Variants in USP32 observed in about 807,000 individuals in gnomAD.
The protein encoded by USP32 is ubiquitin carboxyl-terminal hydrolase 32.
A neutral mutation model predicts 204.8 loss-of-function variants in USP32; 59 were observed. The ratio of observed to expected loss-of-function variants is 0.29; its 90% CI spans 0.23 to 0.36. USP32 has a LOEUF of 0.36. Ranked by LOEUF, USP32 falls within the 10% of genes least tolerant of loss-of-function variation. USP32 has a pLI of 1.00. For missense variants in USP32, 1,160 were observed against 1,946.4 expected, an observed-to-expected ratio of 0.60 and a Z score of 7.60; for synonymous variants, 517 against 678.4, an observed-to-expected ratio of 0.76 and a Z score of 3.70.
chr17:60,316,698 G>A (rs778567901), intron 2 of USP32, among the ~76,000 whole-genome samples: 19 of 152,114 alleles, frequency 1.2e-4, no homozygotes, highest in Admixed American at 6.5e-4. Context: ...AAAATGAGTC[G>A]GGTGTGGTGG....
intron 6 of USP32, 72 bp downstream of exon 6, chr17:60,271,278 T>C (rs1294476457): frequency 1.9e-6 from 3 of 1,551,194 alleles, no homozygotes; most frequent in African/African-American, 1.4e-5. Flanking sequence ...TTAAAATGTA[T>C]TGGTTACAAA....
intron 2 of USP32, among the ~76,000 whole-genome samples, chr17:60,334,560 C>T (rs1405330694): frequency 1.3e-5 from 2 of 149,498 alleles, no homozygotes; most frequent in Non-Finnish European, 2.9e-5. Flanking sequence ...GGCGTGGTTG[C>T]AGGCGCCTGT....
At chr17:60,235,450 TGA>T (rs1277129771) in intron 12 of USP32, among the ~76,000 whole-genome samples, 1 of 152,168 alleles carries the variant, frequency 6.6e-6, no homozygotes, top group African/African-American at 2.4e-5. Flanking sequence ...GAAAGAATGA[TGA>T]GATAGATAAT....
At chr17:60,197,328 G>A (rs1201262110) in intron 27 of USP32, among the ~76,000 whole-genome samples, 1 of 152,200 alleles carries the variant, frequency 6.6e-6, no homozygotes, top group African/African-American at 2.4e-5. Flanking sequence ...CTACAGGCCG[G>A]GTGTGGTGGC....
intron 12 of USP32, among the ~76,000 whole-genome samples, chr17:60,227,716 A>G (rs1421538329): frequency 3.3e-5 from 5 of 152,098 alleles, no homozygotes; most frequent in Non-Finnish European, 5.9e-5. Flanking sequence ...CCCAGTGGAC[A>G]TAAGTTTTCT....
Position 60,181,513 on chromosome 17 carries a change from G to A in USP32, c.4359C>T (p.Gly1453=). The A allele has an allele frequency of 6.2e-7, 1 of 1,613,976 alleles. No homozygotes were observed. Among genetic ancestry groups the A allele is most frequent in the Non-Finnish European group, 8.5e-7 (1 of 1,179,880 alleles). Residue 1453 remains glycine (G), a synonymous_variant, in exon 32 of 34, where the codon GGC becomes GGT. Transcript: ENST00000300896. ...DALSRGHVLG[G]SQPELVTPQD... is the part of the protein sequence containing the mutation. ...GAGGAGTGACCAACTCTGGTTGGCT[G>A]CCCCCCAGCACATGCCCTCGACTCA... is the stretch of plus-strand genomic sequence containing the variant.
At chr17:60,193,090 G>A (rs2084427119) in intron 27 of USP32, among the ~76,000 whole-genome samples, 160 bp from the exon 28 acceptor site, 1 of 152,226 alleles carries the variant, frequency 6.6e-6, no homozygotes, top group African/African-American at 2.4e-5. Flanking sequence ...ATTAGCTGCA[G>A]CCCAGTACCA....
In USP32 at chr17:60,190,471, T is replaced by G. The variant is rs560198637; in HGVS notation, c.3642+92A>C. On this transcript the variant is annotated intron_variant, in intron 29 of 33. Transcript: ENST00000300896. Reference sequence around the variant, plus strand: ...CAATGAAGGTTTTTCTGGTTGTTTTTAAATTGTCTAAAACAGAAATGGCAT... The same window carrying G: ...CAATGAAGGTTTTTCTGGTTGTTTTGAAATTGTCTAAAACAGAAATGGCAT... The G allele has an allele frequency of 2.1e-6, 3 of 1,432,352 alleles. No homozygotes were observed. In the African/African-American group the frequency reaches 4.4e-5, roughly 21 times the overall value. 88.7% of individuals were successfully genotyped at this position (1,432,352 alleles called of 1,614,324 possible). A position where few individuals can be genotyped will look rare whatever the true frequency, so the allele number is the denominator to read the frequency against.
chr17:60,305,367 T>C (rs1463396803), intron 2 of USP32: 2 of 152,076 alleles, frequency 1.3e-5, no homozygotes, highest in African/African-American at 2.4e-5. Flanking sequence ...AACCAGCTCT[T>C]TCATGAACTA....
intron 9 of USP32, among the ~76,000 whole-genome samples, chr17:60,261,769 T>C (rs1476951697): frequency 1.3e-5 from 2 of 152,164 alleles, no homozygotes; most frequent in Non-Finnish European, 2.9e-5. Flanking sequence ...GAACAAAATA[T>C]AAAATGCTCA....
chr17:60,421,635 G>T (rs2090116050), intron 1 of USP32: 4 of 963,830 alleles, frequency 4.2e-6, no homozygotes, highest in Middle Eastern at 5.3e-4. Flanking sequence ...GCCGTGTGCC[G>T]CCCAGGGACG....
intron 2 of USP32, among the ~76,000 whole-genome samples, chr17:60,327,741 C>G (rs1251169992): frequency 6.6e-6 from 1 of 152,204 alleles, no homozygotes; most frequent in African/African-American, 2.4e-5. Flanking sequence ...TCCCCCTGCC[C>G]CTGCAGGCTC....
In USP32 at chr17:60,191,400, TA is replaced by T. The variant is rs1158204624; in HGVS notation, c.3522-718del. ...CTGGGTGACAGAGTGAGACTCTGTT[TA>T]AAAAAAAAAAAAAAAAAAAAAAAAA... On this transcript the variant is annotated intron_variant, in intron 28 of 33. Coordinates refer to ENST00000300896, the MANE Select transcript of USP32 (RefSeq NM_032582.4). Among the ~76,000 whole-genome samples the T allele has an allele frequency of 2.6e-3, 153 of 58,414 alleles. 1 individual carries two copies. Among genetic ancestry groups the T allele is most frequent in the East Asian group, 0.015 (29 of 1,978 alleles). 38.3% of individuals were successfully genotyped at this position (58,414 alleles called of 152,430 possible).
chr17:60,371,145 T>C (rs932558080), intron 1 of USP32, among the ~76,000 whole-genome samples: 4 of 150,760 alleles, frequency 2.7e-5, no homozygotes, highest in Non-Finnish European at 5.9e-5. Context: ...TCCCAGCTGT[T>C]CCAGAGGCAG....
intron 2 of USP32, among the ~76,000 whole-genome samples, chr17:60,328,991 T>C (rs1245465792): frequency 6.6e-6 from 1 of 152,140 alleles, no homozygotes; most frequent in Non-Finnish European, 1.5e-5. Context: ...GCTGGTAGTG[T>C]GAGCCTGCCA....
chr17:60,345,732 A>C (rs1175002509), intron 1 of USP32, 124 bp from the exon 2 acceptor site: 1 of 1,281,852 alleles, frequency 7.8e-7, no homozygotes, highest in African/African-American at 1.5e-5. Flanking sequence ...CTATAATCCC[A>C]GTACTTTGGA....
At chr17:60,261,807 T>C (rs972907908) in intron 9 of USP32, among the ~76,000 whole-genome samples, 6 of 152,196 alleles carry the variant, frequency 3.9e-5, no homozygotes, top group Non-Finnish European at 8.8e-5. Flanking sequence ...TTTAAGATGA[T>C]AATCTGATTC....
chr17:60,346,172 T>C (rs2088781249), intron 1 of USP32, among the ~76,000 whole-genome samples: 1 of 152,202 alleles, frequency 6.6e-6, no homozygotes, highest in African/African-American at 2.4e-5. Flanking sequence ...CTTGAACTCC[T>C]GGGCTCAGGC....
chr17:60,237,994 T>C (rs1180307035), intron 11 of USP32, among the ~76,000 whole-genome samples: 1 of 152,156 alleles, frequency 6.6e-6, no homozygotes, highest in African/African-American at 2.4e-5. Context: ...TGCCAAACTG[T>C]TTTCCACAGT....
Sources: allele counts gnomAD v4.1 joint callset (sites outside exome capture counted in the v4.1 genomes callset), GRCh38; gene constraint gnomAD v4.1.1; transcripts MANE v1.5; gene names NCBI Gene and HGNC (gene_info 2026-07-23, HGNC 2026-07-21).